Variants in UBE2E2 observed in about 807,000 individuals in gnomAD.
The protein encoded by UBE2E2 is ubiquitin conjugating enzyme E2 E2, also known as ubiquitin-conjugating enzyme E2 E2.
Under a neutral mutation model 24.7 loss-of-function variants are expected in UBE2E2, and 6 were observed. The observed-to-expected ratio is 0.24, with a 90% CI of 0.13 to 0.48. The LOEUF (loss-of-function observed/expected upper bound fraction) is 0.48, where lower values mean the gene tolerates loss of function less well. Ranked by LOEUF, UBE2E2 falls within the 20% of genes least tolerant of loss-of-function variation. The pLI, the probability that UBE2E2 is intolerant of heterozygous loss-of-function variation, is 0.99. For synonymous variants in UBE2E2, 104 were observed against 83.6 expected, an observed-to-expected ratio of 1.24 and a Z score of -1.33; for missense variants, 169 against 245.0, an observed-to-expected ratio of 0.69 and a Z score of 2.07.
chr3:23,316,908 AG>A (rs1694596591), intron 3 of UBE2E2, among the ~76,000 whole-genome samples: 3 of 152,064 alleles, frequency 2.0e-5, no homozygotes, highest in African/African-American at 7.2e-5. Flanking sequence ...CCAGGGAATT[AG>A]GGCCTGGAAT....
intron 3 of UBE2E2, among the ~76,000 whole-genome samples, chr3:23,371,883 C>G (rs898928928): frequency 2.0e-5 from 3 of 151,968 alleles, no homozygotes; most frequent in Admixed American, 2.0e-4. Context: ...TTTGGGAGGC[C>G]AAGGCGGGTG....
chr3:23,550,062 A>G (rs915911171), intron 5 of UBE2E2, among the ~76,000 whole-genome samples: 1 of 151,586 alleles, frequency 6.6e-6, no homozygotes, highest in Admixed American at 6.6e-5. Flanking sequence ...TTTCATTCTC[A>G]GCATAAAATC....
chr3:23,400,308 C>T (rs997391988), intron 3 of UBE2E2, among the ~76,000 whole-genome samples: 6 of 152,050 alleles, frequency 3.9e-5, no homozygotes, highest in Admixed American at 1.3e-4. Context: ...TAACGGAAAA[C>T]GGATAAAAAG....
chr3:23,484,484 A>G (rs1444419800), intron 3 of UBE2E2, among the ~76,000 whole-genome samples: 1 of 152,152 alleles, frequency 6.6e-6, no homozygotes, highest in Non-Finnish European at 1.5e-5. Context: ...CATCTTGATT[A>G]TGAATCCTGT....
intron 3 of UBE2E2, among the ~76,000 whole-genome samples, chr3:23,364,009 T>C (rs1225388553): frequency 1.3e-5 from 2 of 151,134 alleles, no homozygotes; most frequent in Non-Finnish European, 2.9e-5. Flanking sequence ...AGCATACAAT[T>C]ACATGGAAAT....
At chr3:23,289,538 A>C (rs1369041604) in intron 3 of UBE2E2, among the ~76,000 whole-genome samples, 1 of 152,238 alleles carries the variant, frequency 6.6e-6, no homozygotes, top group East Asian at 1.9e-4. Context: ...GGAAGTAGCA[A>C]ACAAAAGCAG....
At chr3:23,242,881 T>G (rs1297698260) in intron 3 of UBE2E2, among the ~76,000 whole-genome samples, 1 of 150,824 alleles carries the variant, frequency 6.6e-6, no homozygotes, top group African/African-American at 2.4e-5. Flanking sequence ...AGGTCAGGAG[T>G]TCGAGACCTG....
At chr3:23,520,101 A>T (rs1694829763) in intron 4 of UBE2E2, among the ~76,000 whole-genome samples, 2 of 148,766 alleles carry the variant, frequency 1.3e-5, no homozygotes, top group African/African-American at 2.5e-5. Context: ...TTTCTTTATT[A>T]TTTTTTTCTG....
intron 2 of UBE2E2, among the ~76,000 whole-genome samples, chr3:23,210,710 A>G (rs1036380269): frequency 1.3e-5 from 2 of 152,156 alleles, no homozygotes; most frequent in Admixed American, 6.5e-5. Flanking sequence ...CAGTAAATAG[A>G]AAGTGGTTGT....
At chr3:23,352,022 T>C (rs4858071) in intron 3 of UBE2E2, among the ~76,000 whole-genome samples, 67,243 of 151,940 alleles carry the variant, frequency 0.44, 15,174 homozygotes, top group Admixed American at 0.56. Context: ...ACAGAAATTA[T>C]AACAAACTGT....
chr3:23,422,211 C>T (rs530127863), intron 3 of UBE2E2, among the ~76,000 whole-genome samples: 2 of 152,136 alleles, frequency 1.3e-5, no homozygotes, highest in Admixed American at 6.5e-5. Context: ...TTAAGAGAAA[C>T]AATTTTCTTA....
At chr3:23,282,080 G>T (rs1698502294) in intron 3 of UBE2E2, among the ~76,000 whole-genome samples, 1 of 152,188 alleles carries the variant, frequency 6.6e-6, no homozygotes, top group Non-Finnish European at 1.5e-5. Flanking sequence ...AGGGGCAAGG[G>T]CTGAGACTTG....
chr3:23,355,453 G>A (rs1482985861), intron 3 of UBE2E2, among the ~76,000 whole-genome samples: 1 of 152,176 alleles, frequency 6.6e-6, no homozygotes, highest in African/African-American at 2.4e-5. Flanking sequence ...GGAGATAACT[G>A]TAGGGAGGGG....
chr3:23,351,442 A>T (rs1292029929), intron 3 of UBE2E2, among the ~76,000 whole-genome samples: 3 of 152,228 alleles, frequency 2.0e-5, no homozygotes, highest in Non-Finnish European at 4.4e-5. Context: ...AGACTGGCAA[A>T]TTGGATAAAG....
chr3:23,458,652 C>T (rs966511848), intron 3 of UBE2E2, among the ~76,000 whole-genome samples: 10 of 151,986 alleles, frequency 6.6e-5, no homozygotes, highest in Admixed American at 3.3e-4. Context: ...CTCCTGACCT[C>T]GTGATCCGCC....
intron 5 of UBE2E2, among the ~76,000 whole-genome samples, chr3:23,546,211 G>T (rs1019963540): frequency 3.9e-5 from 6 of 152,110 alleles, no homozygotes; most frequent in African/African-American, 1.4e-4. Context: ...TGATTGAAAA[G>T]TCACTGTATC....
rs1157229315 is a variant in UBE2E2 at position 23,413,045 on chromosome 3, T to G, written c.228-86563T>G. 9.6e-4 allele frequency among the ~76,000 whole-genome samples: 114 copies of G among 118,446 alleles called. 2 individuals carry two copies. The Admixed American group carries it at 0.01, about 11-fold the overall frequency. 77.7% of individuals were successfully genotyped at this position (118,446 alleles called of 152,430 possible). On this transcript the variant is annotated intron_variant, in intron 3 of 5. Transcript: ENST00000396703. ...GGAACATCACACTCCGGGGACAGTT[T>G]TGGGGTGGGGGGAGGGGGGAGGAAT... is the stretch of plus-strand genomic sequence containing the variant.
rs564738500 is a variant in UBE2E2, at chr3:23,206,606, T to C, written c.-8-2086T>C. Among the ~76,000 whole-genome samples, 4 of 152,288 alleles carry C rather than the reference T, an allele frequency of 2.6e-5. No homozygotes were observed. In the South Asian group the frequency reaches 6.2e-4, roughly 24 times the overall value. On this transcript the variant is annotated intron_variant, in intron 1 of 5. Coordinates refer to ENST00000396703, the MANE Select transcript of UBE2E2 (RefSeq NM_152653.4). Reference sequence around the variant, plus strand: ...GAAGGGGTGCTGGTGGTGGTGTGTGTGGTGTGTCAGTGAAAGGATTCACTA... The same window carrying C: ...GAAGGGGTGCTGGTGGTGGTGTGTGCGGTGTGTCAGTGAAAGGATTCACTA...
At chr3:23,350,734 T>C (rs1459730874) in intron 3 of UBE2E2, among the ~76,000 whole-genome samples, 1 of 152,146 alleles carries the variant, frequency 6.6e-6, no homozygotes, top group African/African-American at 2.4e-5. Flanking sequence ...TATGGGACTA[T>C]GTGAAAAGAC....
Sources: gnomAD v4.1 joint callset for allele counts (sites outside exome capture counted in the v4.1 genomes callset) on GRCh38, gnomAD v4.1.1 for gene constraint, MANE v1.5 for transcripts, NCBI Gene and HGNC (gene_info 2026-07-23, HGNC 2026-07-21) for gene names.